TBC1D2: variants seen among roughly 807,000 people sequenced by gnomAD.
TBC1D2 encodes the protein TBC1 domain family member 2A.
A neutral mutation model predicts 91.1 loss-of-function variants in TBC1D2; 58 were observed. That is an observed-to-expected ratio of 0.64 (90% CI 0.52 to 0.79). The LOEUF (loss-of-function observed/expected upper bound fraction) is 0.79, where lower values mean the gene tolerates loss of function less well. Ranked by LOEUF, TBC1D2 falls within the 30% of genes least tolerant of loss-of-function variation. The probability of loss-of-function intolerance (pLI) is 0.00; values close to 1 mark genes in which losing one functional copy is unlikely to be tolerated. For synonymous variants in TBC1D2, 482 were observed against 511.5 expected (o/e 0.94, Z 0.78); for missense variants, 1,080 against 1,208.3 (o/e 0.89, Z 1.57).
intron 3 of TBC1D2, among the ~76,000 whole-genome samples, chr9:98,242,511 T>C (rs375383351): frequency 4.0e-5 from 6 of 151,204 alleles, no homozygotes; most frequent in African/African-American, 1.5e-4. Context: ...CTATTGGATA[T>C]AGTTTGAATT....
Position 98,221,087 on chromosome 9 carries a change from G to A in TBC1D2, c.1120C>T (p.Arg374Trp), listed in dbSNP as rs766205016. 3.7e-6 allele frequency: 6 copies of A among 1,609,274 alleles called. No homozygotes were observed. Among genetic ancestry groups the A allele is most frequent in the South Asian group, 1.1e-5 (1 of 90,644 alleles). ...HKVRQIAELG[R>W]RVEALEQERE... Reference sequence around the variant, plus strand: ...TCCTGCTCCAGGGCCTCCACCCGCCGGCCCAGCTCCGCGATCTGCCGCACT... The same window carrying A: ...TCCTGCTCCAGGGCCTCCACCCGCCAGCCCAGCTCCGCGATCTGCCGCACT... Residue 374 changes from arginine (R) to tryptophan (W), a missense_variant, in exon 6 of 13, where the codon CGG becomes TGG. Transcript: ENST00000465784.
intron 5 of TBC1D2, among the ~76,000 whole-genome samples, chr9:98,226,198 G>A (rs916283971): frequency 4.6e-5 from 7 of 152,202 alleles, no homozygotes; most frequent in Admixed American, 3.3e-4. Flanking sequence ...GAGTTACGGG[G>A]CTGCCATTCC....
chr9:98,250,393 G>C (rs1158515219), intron 2 of TBC1D2, among the ~76,000 whole-genome samples: 1 of 152,098 alleles, frequency 6.6e-6, no homozygotes, highest in East Asian at 1.9e-4. Flanking sequence ...TTCTGGCATG[G>C]CCTCCACATG....
Position 98,229,008 on chromosome 9 carries a change from C to T in TBC1D2, c.922G>A (p.Val308Met), listed in dbSNP as rs1262038072. The T allele has an allele frequency of 6.2e-7, 1 of 1,614,116 alleles. No individual in the cohort carries two copies. The highest frequency in any genetic ancestry group is 2.2e-5 in the East Asian group (1 of 44,896). Reference protein sequence around the residue: ...ITRNRTAQEKVAALEQQVLML... With the variant: ...ITRNRTAQEKMAALEQQVLML... ...AGAACCTGTTGCTCCAAGGCTGCCA[C>T]TTTCTCCTGGGCAGTTCGGTTCCGT... is the stretch of plus-strand genomic sequence containing the variant. The change falls in exon 5 of 13, where the codon GTG becomes ATG. Residue 308 changes from valine (V) to methionine (M), a missense_variant. Physicochemically the swap from Val to Met is conservative, Grantham distance 21. Coordinates refer to ENST00000465784, the MANE Select transcript of TBC1D2 (RefSeq NM_001267571.2).
chr9:98,238,689 T>C (rs944588893), intron 3 of TBC1D2, among the ~76,000 whole-genome samples: 5 of 136,760 alleles, frequency 3.7e-5, no homozygotes, highest in Non-Finnish European at 7.4e-5. Context: ...GCATTTTTCA[T>C]TGATTCCCTT....
chr9:98,251,712 T>C lies in TBC1D2; in HGVS notation c.511+73A>G, dbSNP rs116392357. 1,180 of 1,471,990 alleles carry C rather than the reference T, an allele frequency of 8.0e-4. 10 individuals carry two copies. In the African/African-American group the frequency reaches 0.015, roughly 18 times the overall value. 91.2% of individuals were successfully genotyped at this position (1,471,990 alleles called of 1,614,324 possible). On this transcript the variant is annotated intron_variant, in intron 2 of 12. Coordinates refer to ENST00000465784, the MANE Select transcript of TBC1D2 (RefSeq NM_001267571.2). ...CTTAGCAGAGGGCTCCTCCCGCTCA[T>C]TCCCAGCAGGAGGGTAAAGGCTTAA...
At chr9:98,242,301 C>T (rs1384344448) in intron 3 of TBC1D2, among the ~76,000 whole-genome samples, 6 of 151,940 alleles carry the variant, frequency 3.9e-5, no homozygotes, top group Non-Finnish European at 7.4e-5. Flanking sequence ...GTCAGCCGGG[C>T]GTGGTGGTGG....
chr9:98,233,365 G>C, intron 4 of TBC1D2, 51 bp downstream of exon 4: 1 of 1,569,680 alleles, frequency 6.4e-7, no homozygotes, highest in Non-Finnish European at 8.6e-7. Flanking sequence ...ACTTGTGCCA[G>C]CCGTGAGGAG....
chr9:98,212,606 A>C (rs1372409664), intron 7 of TBC1D2, among the ~76,000 whole-genome samples: 1 of 151,278 alleles, frequency 6.6e-6, no homozygotes, highest in Non-Finnish European at 1.5e-5. Flanking sequence ...GGTTCACGCC[A>C]TTCTCCTGCC....
chr9:98,223,179 G>A (rs1564245869), intron 5 of TBC1D2, among the ~76,000 whole-genome samples: 1 of 152,246 alleles, frequency 6.6e-6, no homozygotes, highest in Non-Finnish European at 1.5e-5. Flanking sequence ...TGTCTGGGGT[G>A]GAGGTTGTGG....
At chr9:98,216,006 C>T (rs914209506) in intron 6 of TBC1D2, among the ~76,000 whole-genome samples, 12 of 152,190 alleles carry the variant, frequency 7.9e-5, no homozygotes, top group Middle Eastern at 3.2e-3. Context: ...ACATCAAAGA[C>T]GCTGGAGTTG....
At chr9:98,234,289 T>C (rs1235114190) in intron 3 of TBC1D2, among the ~76,000 whole-genome samples, 5 of 152,142 alleles carry the variant, frequency 3.3e-5, no homozygotes, top group Admixed American at 2.0e-4. Context: ...CCGGGCTCAA[T>C]ACATGTTTGG....
At chr9:98,232,342 G>GTTTTTTTT (rs753455224) in intron 4 of TBC1D2, among the ~76,000 whole-genome samples, 8 of 86,778 alleles carry the variant, frequency 9.2e-5, no homozygotes, top group African/African-American at 2.3e-4. Context: ...CTCTTTTTCT[G>GTTTTTTTT]TTTTTTTTTT....
rs1394029355 is a variant in TBC1D2 at position 98,208,822 on chromosome 9, C to A, written c.1996G>T (p.Ala666Ser). 6.2e-7 allele frequency: 1 copy of A among 1,605,474 alleles called. No individual in the cohort carries two copies. Among genetic ancestry groups the A allele is most frequent in the African/African-American group, 1.3e-5 (1 of 74,772 alleles). ...AGGTCCAGCTCAATCTGGCGGGCAG[C>A]AGGGTGCTCGCGGGCCTGGCCCCGG... is the stretch of plus-strand genomic sequence containing the variant. ...LSRGQAREHP[A>S]ARQIELDLNR... Residue 666 changes from alanine (A) to serine (S), a missense_variant, in exon 9 of 13, where the codon GCT becomes TCT. Ala to Ser is a moderately conservative substitution (Grantham distance 99, BLOSUM62 1). Transcript: ENST00000465784.
At chr9:98,213,287 C>T in intron 6 of TBC1D2, 69 bp from the exon 7 acceptor site, 1 of 1,589,432 alleles carries the variant, frequency 6.3e-7, no homozygotes, top group Non-Finnish European at 8.6e-7. Flanking sequence ...GAGTCACACC[C>T]TCAAATGAGC....
chr9:98,199,065 T>C lies in TBC1D2; in HGVS notation c.*316A>G. ...CACCATTTACATTGTTTTATATTGA[T>C]ATAACCTAGAGAATGTTCCAGGTTA... On this transcript the variant is annotated 3_prime_UTR_variant, in exon 13 of 13. Coordinates refer to ENST00000465784, the MANE Select transcript of TBC1D2 (RefSeq NM_001267571.2). 7.8e-6 allele frequency: 4 copies of C among 514,454 alleles called. No homozygotes were observed. The allele number at this position is 514,454 out of a possible 1,614,324, so 31.9% of individuals were successfully genotyped here. A position where few individuals can be genotyped will look rare whatever the true frequency, so the allele number is the denominator to read the frequency against.
Position 98,209,140 on chromosome 9 carries a change from A to T in TBC1D2, c.1678T>A (p.Tyr560Asn). Residue 560 changes from tyrosine (Y) to asparagine (N), a missense_variant, in exon 9 of 13, where the codon TAT becomes AAT. By Grantham distance (143) the Tyr-to-Asn change is moderately radical (BLOSUM62 -2). Coordinates refer to ENST00000465784, the MANE Select transcript of TBC1D2 (RefSeq NM_001267571.2). ...ACCGTCAGGAAGCCGTACTCATCATACTTACTGCCAGCAAAAGTGCACGTT... is the reference window on the plus strand; with the variant it reads ...ACCGTCAGGAAGCCGTACTCATCATTCTTACTGCCAGCAAAAGTGCACGTT... The part of the protein sequence containing the change: ...DSIELSPISK[Y>N]DEYGFLTVPD... 1 of 1,606,588 alleles carries T rather than the reference A, an allele frequency of 6.2e-7. No individual in the cohort carries two copies. Among genetic ancestry groups the T allele is most frequent in the Non-Finnish European group, 8.5e-7 (1 of 1,173,728 alleles).
rs1310066484 is a variant in TBC1D2 at position 98,210,842 on chromosome 9, C to T, written c.1487G>A (p.Cys496Tyr). The change falls in exon 8 of 13, where the codon TGC (cysteine) becomes TAC (tyrosine). Residue 496 changes from cysteine (C) to tyrosine (Y), a missense_variant and splice_region_variant. Coordinates refer to ENST00000465784, the MANE Select transcript of TBC1D2 (RefSeq NM_001267571.2). Reference sequence around the variant, plus strand: ...GCAGTTTCTGGCTTGGAGGTAGGCGCACTGCAAACAGGGAAAGGCTGGTCA... The same window carrying T: ...GCAGTTTCTGGCTTGGAGGTAGGCGTACTGCAAACAGGGAAAGGCTGGTCA... ...AEKEKALLTK[C>Y]AYLQARNCQV... The T allele has an allele frequency of 5.2e-6, 8 of 1,550,780 alleles. No homozygotes were observed. The Admixed American group carries it at 7.9e-5, about 15-fold the overall frequency.
In TBC1D2 at chr9:98,210,766, C is replaced by T; in HGVS notation, c.1563G>A (p.Leu521=). The change falls in exon 8 of 13, where the codon CTG becomes CTA. Residue 521 remains leucine (L), a synonymous_variant. Coordinates refer to ENST00000465784, the MANE Select transcript of TBC1D2 (RefSeq NM_001267571.2). Reference sequence around the variant, plus strand: ...CTGAGCACTCGCTGGCTTCGTCCCCCAGGGCCTCCTGCAGCCTTCTCAGAC... The same window carrying T: ...CTGAGCACTCGCTGGCTTCGTCCCCTAGGGCCTCCTGCAGCCTTCTCAGAC... ...LAGLRRLQEA[L]GDEASECSEL... The T allele has an allele frequency of 6.4e-7, 1 of 1,564,834 alleles. No homozygotes were observed. Among genetic ancestry groups the T allele is most frequent in the Non-Finnish European group, 8.7e-7 (1 of 1,154,550 alleles).
Sources: gnomAD v4.1 joint callset for allele counts (sites outside exome capture counted in the v4.1 genomes callset) on GRCh38, gnomAD v4.1.1 for gene constraint, MANE v1.5 for transcripts, NCBI Gene and HGNC (gene_info 2026-07-23, HGNC 2026-07-21) for gene names.